The following MALAT1 variants were observed in gnomAD, a reference collection of about 807,000 sequenced individuals.
The protein encoded by MALAT1 is hepcarcin.
At chr11:65,500,916 C>G in exon 3 of MALAT1, 2 of 513,256 alleles carry the variant, frequency 3.9e-6, no homozygotes, top group Non-Finnish European at 7.7e-6. Flanking sequence ...TTGTAGGTTT[C>G]TCTTTTTCAG....
intron 3 of MALAT1, chr11:65,504,531 T>A: frequency 1.9e-6 from 1 of 518,958 alleles, no homozygotes; most frequent in South Asian, 1.4e-5. Context: ...TTGAGGAAAT[T>A]TCTGCAGTTT....
chr11:65,504,645 T>TA (rs1565056318), intron 3 of MALAT1: 1 of 518,972 alleles, frequency 1.9e-6, no homozygotes, highest in East Asian at 5.4e-5. Flanking sequence ...CTGAAGCCTT[T>TA]AGTCTTTTCC....
chr11:65,501,129 T>C (rs1854536180), exon 3 of MALAT1: 2 of 517,636 alleles, frequency 3.9e-6, no homozygotes, highest in South Asian at 2.8e-5. Context: ...ATTTCAGTTT[T>C]GTGAATAGAT....
Position 65,501,134 on chromosome 11 carries a change from A to C in MALAT1, n.2397A>C, listed in dbSNP as rs546886859. 1.7e-4 allele frequency: 86 copies of C among 512,246 alleles called. 1 individual carries two copies. The highest frequency in any genetic ancestry group is 1.2e-3 in the South Asian group (83 of 71,116). The allele number at this position is 512,246 out of a possible 1,614,324, so 31.7% of individuals were successfully genotyped here. On this transcript the variant is annotated non_coding_transcript_exon_variant, in exon 3 of 4. Coordinates refer to ENST00000619449, the Ensembl canonical transcript of MALAT1. The stretch of plus-strand genomic sequence containing the variant: ...GTAATGAAGTATTTCAGTTTTGTGA[A>C]TAGATGACCTGTTTTTACTTCCTCA...
At chr11:65,503,551 A>C in exon 3 of MALAT1, 1 of 518,488 alleles carries the variant, frequency 1.9e-6, no homozygotes, top group Non-Finnish European at 3.9e-6. Flanking sequence ...TTACTGCTAA[A>C]ATTTACATGT....
exon 3 of MALAT1, chr11:65,499,110 G>C (rs751546552): frequency 3.9e-6 from 2 of 518,114 alleles, no homozygotes; most frequent in African/African-American, 1.9e-5. Context: ...GGAAACCGCA[G>C]ATAAGTTTTT....
chr11:65,506,096 TTAAAAAAAAAAAA>T (rs765867440), intron 3 of MALAT1: 2 of 402,388 alleles, frequency 5.0e-6, no homozygotes, highest in African/African-American at 4.3e-5. Context: ...TTTTTCTAGC[TTAAAAAAAAAAAA>T]AGCAAAAGAT....
exon 3 of MALAT1, chr11:65,500,077 AGAT>A (rs772814692): frequency 1.3e-5 from 6 of 454,646 alleles, no homozygotes; most frequent in Admixed American, 4.8e-5. Context: ...AAGCTTGAGA[AGAT>A]GAGGGTGTTT....
At chr11:65,503,027 G>T in exon 3 of MALAT1, 1 of 505,204 alleles carries the variant, frequency 2.0e-6, no homozygotes, top group Non-Finnish European at 3.9e-6. Flanking sequence ...ATTAATCCTG[G>T]AATAAAAGAA....
exon 3 of MALAT1, chr11:65,499,485 G>T (rs1471962889): frequency 4.3e-6 from 2 of 465,096 alleles, no homozygotes; most frequent in South Asian, 1.6e-5. Context: ...ATTTGAAGGC[G>T]ATCTTTTAAA....
exon 3 of MALAT1, chr11:65,499,816 A>G (rs1345777236): frequency 2.4e-6 from 1 of 421,574 alleles, no homozygotes; most frequent in Admixed American, 3.2e-5. Flanking sequence ...ACAAAAAGCT[A>G]AGGGCAAAAT....
chr11:65,505,118 G>C, intron 3 of MALAT1: 1 of 519,046 alleles, frequency 1.9e-6, no homozygotes, highest in South Asian at 1.4e-5. Flanking sequence ...ACTGGCATGT[G>C]AGCAAACTGT....
At chr11:65,498,880 A>G (rs1489230048) in intron 2 of MALAT1, 1 of 518,496 alleles carries the variant, frequency 1.9e-6, no homozygotes, top group Admixed American at 1.9e-5. Flanking sequence ...GTTTGCATTC[A>G]AGTTCCATAA....
At chr11:65,499,090 C>T (rs749777395) in exon 3 of MALAT1, 8 of 518,056 alleles carry the variant, frequency 1.5e-5, no homozygotes, top group South Asian at 7.0e-5. Flanking sequence ...AGGGGGCAGG[C>T]GGAGCTTGAG....
intron 3 of MALAT1, chr11:65,504,102 C>T (rs970751745): frequency 1.9e-6 from 1 of 517,000 alleles, no homozygotes; most frequent in South Asian, 1.4e-5. Flanking sequence ...GAGGGGGTGC[C>T]TGTGGGGTTT....
At chr11:65,498,583 C>G (rs769539754) in intron 1 of MALAT1, 5 of 518,618 alleles carry the variant, frequency 9.6e-6, no homozygotes, top group African/African-American at 3.9e-5. Flanking sequence ...AGAAAGTCCG[C>G]CATTTTGCCA....
exon 3 of MALAT1, chr11:65,499,080 A>G (rs763675153): frequency 7.7e-6 from 4 of 518,186 alleles, no homozygotes; most frequent in South Asian, 1.4e-5. Flanking sequence ...GCTTCTGCTG[A>G]GGGGGCAGGC....
chr11:65,504,120 T>C (rs763435518), intron 3 of MALAT1: 4 of 516,702 alleles, frequency 7.7e-6, no homozygotes, highest in South Asian at 2.8e-5. Flanking sequence ...TTTTAAAGAA[T>C]TTTCCTTTGC....
exon 3 of MALAT1, chr11:65,500,077 A>G (rs1018071261): frequency 2.2e-6 from 1 of 454,646 alleles, no homozygotes; most frequent in Non-Finnish European, 4.4e-6. Context: ...AAGCTTGAGA[A>G]GATGAGGGTG....
Sources: gnomAD v4.1 joint callset for allele counts on GRCh38, gnomAD v4.1.1 for gene constraint, MANE v1.5 for transcripts, NCBI Gene and HGNC (gene_info 2026-07-23, HGNC 2026-07-21) for gene names.